The following TNIK variants were observed in gnomAD, a reference collection of about 807,000 sequenced individuals.
The protein encoded by TNIK is TRAF2 and NCK interacting kinase.
In TNIK, 49 loss-of-function variants were observed where a neutral mutation model predicts 191.3. That is an observed-to-expected ratio of 0.26 (90% confidence interval 0.20 to 0.32). TNIK has a LOEUF of 0.32. Ranked by LOEUF, TNIK falls within the 10% of genes least tolerant of loss-of-function variation. The probability of loss-of-function intolerance (pLI) is 1.00; values close to 1 mark genes in which losing one functional copy is unlikely to be tolerated. For missense variants in TNIK, 1,155 were observed against 1,702.3 expected (o/e 0.68, Z 5.66); for synonymous variants, 594 against 600.9 (o/e 0.99, Z 0.17).
At chr3:171,304,363 G>C (rs1042766221) in intron 2 of TNIK, among the ~76,000 whole-genome samples, 7 of 152,182 alleles carry the variant, frequency 4.6e-5, no homozygotes, top group African/African-American at 1.7e-4. Flanking sequence ...GGAAACAACA[G>C]GTCCTGGAGA....
Position 171,108,097 on chromosome 3 carries a change from A to C in TNIK, c.2350T>G (p.Ser784Ala). ...CGACTGGGCCGGGTAATGTCCCTGG[A>C]TTCTTCTGGTTTCACCTTCGCAGGC... The part of the protein sequence containing the change: ...HEPAKVKPEE[S>A]RDITRPSRPA... The change falls in exon 20 of 33, where the codon TCC becomes GCC. Residue 784 changes from serine (S) to alanine (A), a missense_variant. Physicochemically the swap from Ser to Ala is moderately conservative, Grantham distance 99. Coordinates refer to ENST00000436636, the MANE Select transcript of TNIK (RefSeq NM_015028.4). 1 of 1,576,104 alleles carries C rather than the reference A, an allele frequency of 6.3e-7. No homozygotes were observed. The highest frequency in any genetic ancestry group is 8.6e-7 in the Non-Finnish European group (1 of 1,159,712).
chr3:171,066,447 C>T lies in TNIK; in HGVS notation c.3860-121G>A, dbSNP rs772764767. On this transcript the variant is annotated intron_variant, in intron 31 of 32. Transcript: ENST00000436636. ...CTTGAGATAAATGGACAAAGCAAGT[C>T]TTACAAGAGTTATTCACAGATTTTT... 10 of 1,526,030 alleles carry T rather than the reference C, an allele frequency of 6.6e-6. No individual in the cohort carries two copies. In the South Asian group the frequency reaches 1.2e-4, roughly 18 times the overall value. 94.5% of individuals were successfully genotyped at this position (1,526,030 alleles called of 1,614,324 possible). A position where few individuals can be genotyped will look rare whatever the true frequency, so the allele number is the denominator to read the frequency against.
chr3:171,143,998 A>G (rs1731197212), intron 12 of TNIK, among the ~76,000 whole-genome samples: 1 of 152,116 alleles, frequency 6.6e-6, no homozygotes, highest in African/African-American at 2.4e-5. Context: ...CTAAACTGGA[A>G]AAAAAGGGAA....
intron 17 of TNIK, among the ~76,000 whole-genome samples, chr3:171,124,466 T>A (rs1728197337): frequency 6.6e-6 from 1 of 152,166 alleles, no homozygotes; most frequent in African/African-American, 2.4e-5. Context: ...TTGAAGTATG[T>A]CCCAATTTAT....
intron 1 of TNIK, among the ~76,000 whole-genome samples, chr3:171,419,134 C>T (rs773961116): frequency 1.3e-5 from 2 of 152,222 alleles, no homozygotes; most frequent in Non-Finnish European, 2.9e-5. Context: ...AATACAGTCA[C>T]ACTGAAGGTT....
intron 1 of TNIK, among the ~76,000 whole-genome samples, chr3:171,389,814 G>A (rs1719227641): frequency 6.6e-6 from 1 of 152,184 alleles, no homozygotes; most frequent in African/African-American, 2.4e-5. Context: ...ACATAGTGAA[G>A]CAGAGAGCAT....
intron 1 of TNIK, among the ~76,000 whole-genome samples, chr3:171,376,235 T>C (rs1717195803): frequency 6.6e-6 from 1 of 152,152 alleles, no homozygotes; most frequent in African/African-American, 2.4e-5. Context: ...AACATCATCT[T>C]CGAAAGTACA....
At chr3:171,089,103 T>G (rs79795476) in intron 23 of TNIK, among the ~76,000 whole-genome samples, 1 of 152,332 alleles carries the variant, frequency 6.6e-6, no homozygotes, top group East Asian at 1.9e-4. Flanking sequence ...GCTCCTGTAA[T>G]GGTGCATGTA....
At chr3:171,187,662 C>A (rs978184866) in intron 7 of TNIK, among the ~76,000 whole-genome samples, 3 of 152,140 alleles carry the variant, frequency 2.0e-5, no homozygotes, top group Non-Finnish European at 4.4e-5. Context: ...TTGGAAAGGG[C>A]TCTGAACAGA....
intron 3 of TNIK, among the ~76,000 whole-genome samples, chr3:171,221,308 C>T (rs1206939458): frequency 6.6e-6 from 1 of 152,112 alleles, no homozygotes; most frequent in Non-Finnish European, 1.5e-5. Context: ...GGCAAAGGAG[C>T]TTCAGATGGG....
chr3:171,265,235 C>T (rs768698045), intron 2 of TNIK, among the ~76,000 whole-genome samples: 1 of 152,192 alleles, frequency 6.6e-6, no homozygotes, highest in Non-Finnish European at 1.5e-5. Flanking sequence ...AAAATTGGCA[C>T]AGCTGCTTGC....
chr3:171,194,576 A>G lies in TNIK; in HGVS notation c.366T>C (p.Gly122=). The change falls in exon 5 of 33, where the codon GGT becomes GGC. Residue 122 remains glycine, a synonymous_variant. Coordinates refer to ENST00000436636, the MANE Select transcript of TNIK (RefSeq NM_015028.4). ...CAATCCACTCCTCTTTCAACGTGTT[A>G]CCTTTTGTGTTCTTGATCAGGTCGG... ...SVTDLIKNTK[G]NTLKEEWIAY... 1.9e-6 allele frequency: 3 copies of G among 1,613,970 alleles called. No individual in the cohort carries two copies. Among genetic ancestry groups the G allele is most frequent in the Non-Finnish European group, 8.5e-7 (1 of 1,179,878 alleles).
At chr3:171,101,961 C>T (rs1027416019) in intron 21 of TNIK, 29 of 177,488 alleles carry the variant, frequency 1.6e-4, no homozygotes, top group Non-Finnish European at 1.3e-4. Flanking sequence ...AAGCTGGTCA[C>T]CCCCAGAGTT....
intron 12 of TNIK, among the ~76,000 whole-genome samples, chr3:171,141,146 AT>A (rs1279814234): frequency 6.6e-6 from 1 of 152,150 alleles, no homozygotes; most frequent in Non-Finnish European, 1.5e-5. Flanking sequence ...CATCATCGTC[AT>A]CGTCAATCAT....
At chr3:171,134,565 G>T (rs930937774) in intron 15 of TNIK, among the ~76,000 whole-genome samples, 1 of 152,170 alleles carries the variant, frequency 6.6e-6, no homozygotes, top group Non-Finnish European at 1.5e-5. Context: ...GATTATAGAC[G>T]TGAGCCACCG....
intron 2 of TNIK, among the ~76,000 whole-genome samples, chr3:171,315,276 T>A (rs77472781): frequency 0.029 from 4,366 of 152,254 alleles, 91 homozygotes; most frequent in Middle Eastern, 0.11. Flanking sequence ...CAGCCAGCCT[T>A]CTCAACTGAT....
intron 9 of TNIK, among the ~76,000 whole-genome samples, chr3:171,169,656 C>T (rs964198221): frequency 1.3e-5 from 2 of 152,136 alleles, no homozygotes; most frequent in Non-Finnish European, 2.9e-5. Flanking sequence ...AAGTAAGATC[C>T]AGATTTAATA....
At chr3:171,118,586 CAG>C (rs1560139448) in intron 18 of TNIK, among the ~76,000 whole-genome samples, 1 of 152,126 alleles carries the variant, frequency 6.6e-6, no homozygotes, top group Non-Finnish European at 1.5e-5. Context: ...GGTACCAAAA[CAG>C]AGATATAGAC....
At chr3:171,068,627 A>G (rs1718767454) in intron 30 of TNIK, among the ~76,000 whole-genome samples, 1 of 152,238 alleles carries the variant, frequency 6.6e-6, no homozygotes, top group Admixed American at 6.5e-5. Context: ...GTAAATGCCA[A>G]ATGATTTCTA....
Sources: allele counts gnomAD v4.1 joint callset (sites outside exome capture counted in the v4.1 genomes callset), GRCh38; gene constraint gnomAD v4.1.1; transcripts MANE v1.5; gene names NCBI Gene and HGNC (gene_info 2026-07-23, HGNC 2026-07-21).